Variants in DPT observed in about 807,000 individuals in gnomAD.
DPT encodes dermatopontin.
DPT carries 21 observed loss-of-function variants against 31.2 expected under a neutral mutation model. That is an observed-to-expected ratio of 0.67 (90% CI 0.48 to 0.97). The LOEUF (loss-of-function observed/expected upper bound fraction) is 0.97, where lower values mean the gene tolerates loss of function less well. Ranked by LOEUF, DPT falls within the 50% of genes least tolerant of loss-of-function variation. The pLI, the probability that DPT is intolerant of heterozygous loss-of-function variation, is 0.00. For synonymous variants in DPT, 91 were observed against 86.9 expected (o/e 1.05, Z -0.26); for missense variants, 262 against 258.8 (o/e 1.01, Z -0.08).
intron 2 of DPT, among the ~76,000 whole-genome samples, chr1:168,707,381 C>G (rs1455742302): frequency 6.6e-6 from 1 of 152,072 alleles, no homozygotes; most frequent in Non-Finnish European, 1.5e-5. Flanking sequence ...CCTCTAGAAT[C>G]TATTATAGTA....
intron 1 of DPT, among the ~76,000 whole-genome samples, chr1:168,725,254 TC>T (rs1650214994): frequency 1.5e-4 from 5 of 33,914 alleles, no homozygotes; most frequent in Admixed American, 3.3e-4. Context: ...CTTTCCTTTC[TC>T]TTTCCCTTCC....
intron 1 of DPT, among the ~76,000 whole-genome samples, chr1:168,724,428 A>G (rs527947556): frequency 3.3e-5 from 5 of 152,296 alleles, no homozygotes; most frequent in Admixed American, 2.0e-4. Context: ...CTTTCACTGC[A>G]TATGTATTGA....
At chr1:168,725,646 A>G (rs1269795542) in intron 1 of DPT, among the ~76,000 whole-genome samples, 6 of 152,202 alleles carry the variant, frequency 3.9e-5, no homozygotes, top group Admixed American at 3.3e-4. Context: ...AGAGACCATC[A>G]TCCAAACTTC....
chr1:168,725,359 C>CT (rs1304587124), intron 1 of DPT, among the ~76,000 whole-genome samples: 2 of 147,520 alleles, frequency 1.4e-5, no homozygotes, highest in Non-Finnish European at 3.0e-5. Context: ...TCTTCTCTTT[C>CT]TTTTTTGCCA....
intron 1 of DPT, among the ~76,000 whole-genome samples, chr1:168,721,664 A>G (rs1650119661): frequency 6.6e-6 from 1 of 152,132 alleles, no homozygotes; most frequent in Admixed American, 6.5e-5. Flanking sequence ...AAATCATACT[A>G]ACTTTCCTTC....
intron 1 of DPT, among the ~76,000 whole-genome samples, chr1:168,719,427 G>A (rs1650050698): frequency 6.6e-6 from 1 of 152,200 alleles, no homozygotes; most frequent in Admixed American, 6.5e-5. Context: ...AATGGAACAG[G>A]ACTGGGGGAA....
chr1:168,700,690 G>T (rs1333144627), intron 3 of DPT, among the ~76,000 whole-genome samples: 2 of 152,146 alleles, frequency 1.3e-5, no homozygotes, highest in Non-Finnish European at 2.9e-5. Flanking sequence ...TCTTGAGCAG[G>T]CTGGAATCCA....
chr1:168,704,943 A>T (rs1376097213), intron 2 of DPT, among the ~76,000 whole-genome samples: 3 of 152,186 alleles, frequency 2.0e-5, no homozygotes, highest in African/African-American at 7.2e-5. Context: ...TCATAGACTG[A>T]GCTGCTGCTG....
intron 2 of DPT, among the ~76,000 whole-genome samples, chr1:168,703,149 C>A (rs1249425971): frequency 2.0e-5 from 3 of 152,168 alleles, no homozygotes; most frequent in Non-Finnish European, 1.5e-5. Flanking sequence ...TCTCTGGATA[C>A]AATGTGTAAA....
chr1:168,725,806 C>T (rs933164129), intron 1 of DPT, among the ~76,000 whole-genome samples: 1 of 152,186 alleles, frequency 6.6e-6, no homozygotes, highest in African/African-American at 2.4e-5. Context: ...GTGCTATTGT[C>T]AAGCCTATAT....
rs773984683 is a variant in DPT, at chr1:168,701,051, G to A, written c.505C>T (p.Arg169Ter). 3.0e-5 allele frequency: 48 copies of A among 1,613,598 alleles called. No individual in the cohort carries two copies. The highest frequency in any genetic ancestry group is 4.5e-5 in the East Asian group (2 of 44,874). ...MISYNYDYYI[R>*]GATTTFSAVE... ...GCAGAGAAAGTGGTTGTTGCTCCTC[G>A]GATATAGTAATCATAATTGTAGGAA... Residue 169 changes from arginine to a stop codon, truncating the protein, a stop_gained, in exon 3 of 4, where the codon CGA becomes TGA. Transcript: ENST00000367817. LOFTEE classifies it high-confidence loss of function.
intron 1 of DPT, among the ~76,000 whole-genome samples, chr1:168,715,700 G>T (rs1649966799): frequency 6.6e-6 from 1 of 152,188 alleles, no homozygotes; most frequent in East Asian, 1.9e-4. Flanking sequence ...CATTTGTTCT[G>T]CCCCCACACA....
intron 2 of DPT, among the ~76,000 whole-genome samples, chr1:168,707,628 C>T (rs149979569): frequency 3.3e-5 from 5 of 152,272 alleles, no homozygotes; most frequent in African/African-American, 1.2e-4. Flanking sequence ...ATTGTGGTTT[C>T]CATAATCCCC....
intron 1 of DPT, among the ~76,000 whole-genome samples, chr1:168,726,803 C>A (rs188242369): frequency 5.9e-5 from 9 of 152,354 alleles, no homozygotes; most frequent in Non-Finnish European, 1.2e-4. Flanking sequence ...GTCATGGAGA[C>A]AACAATCAAG....
intron 1 of DPT, among the ~76,000 whole-genome samples, chr1:168,721,839 T>C (rs1270231496): frequency 6.6e-6 from 1 of 152,210 alleles, no homozygotes; most frequent in African/African-American, 2.4e-5. Flanking sequence ...TAGTGTTAAG[T>C]TGCACACATT....
chr1:168,722,753 A>G (rs1378808714), intron 1 of DPT, among the ~76,000 whole-genome samples: 1 of 152,104 alleles, frequency 6.6e-6, no homozygotes, highest in Non-Finnish European at 1.5e-5. Flanking sequence ...AGACGACTTG[A>G]GTAAAGGTAG....
At chr1:168,709,717 A>G (rs972160769) in intron 2 of DPT, among the ~76,000 whole-genome samples, 16 of 152,230 alleles carry the variant, frequency 1.1e-4, no homozygotes, top group Non-Finnish European at 1.3e-4. Context: ...CAAAGAGGGA[A>G]GGGGAAAAAT....
intron 1 of DPT, among the ~76,000 whole-genome samples, chr1:168,725,422 C>T (rs1650220722): frequency 6.6e-6 from 1 of 151,944 alleles, no homozygotes; most frequent in South Asian, 2.1e-4. Context: ...ATCCAGGTTT[C>T]CTGCATCCAA....
intron 2 of DPT, 137 bp from the exon 3 acceptor site, chr1:168,701,261 A>G: frequency 1.5e-6 from 1 of 684,312 alleles, no homozygotes; most frequent in Non-Finnish European, 2.6e-6. Context: ...GACATCCACC[A>G]AACAACTCCA....
Sources: gnomAD v4.1 joint callset for allele counts (sites outside exome capture counted in the v4.1 genomes callset) on GRCh38, gnomAD v4.1.1 for gene constraint, MANE v1.5 for transcripts, NCBI Gene and HGNC (gene_info 2026-07-23, HGNC 2026-07-21) for gene names.